ZNF487: variants seen among roughly 807,000 people sequenced by gnomAD.
ZNF487 encodes zinc finger protein 487, also known as KRAB domain only 1.
ZNF487 carries 4 observed loss-of-function variants against 3.0 expected under a neutral mutation model. The observed-to-expected ratio is 1.35, with a 90% CI of 0.66 to 3.08. ZNF487 has a LOEUF of 3.08. Ranked by LOEUF, ZNF487 falls within the 30% of genes most tolerant of loss-of-function variation. ZNF487 has a pLI of 0.01. For missense variants in ZNF487, 146 were observed against 98.7 expected, an observed-to-expected ratio of 1.48 and a Z score of -2.03; for synonymous variants, 55 against 34.6, an observed-to-expected ratio of 1.59 and a Z score of -2.06.
chr10:43,455,559 A>AG (rs1264203223), intron 1 of ZNF487, among the ~76,000 whole-genome samples: 1 of 152,212 alleles, frequency 6.6e-6, no homozygotes, highest in Non-Finnish European at 1.5e-5. Context: ...TGGACGACGC[A>AG]GCTCAGGGCG....
the ZNF487 span, among the ~76,000 whole-genome samples, chr10:43,519,509 C>G: frequency 6.6e-6 from 1 of 151,124 alleles, no homozygotes; most frequent in Non-Finnish European, 1.5e-5. Context: ...GCTCTGTTGC[C>G]CAGGCCAGAT....
the ZNF487 span, among the ~76,000 whole-genome samples, chr10:43,495,467 T>C: frequency 0.033 from 4,995 of 152,142 alleles, 110 homozygotes; most frequent in South Asian, 0.041. Flanking sequence ...TGGTCTTCAG[T>C]TCCTGGCCTC....
At chr10:43,502,118 G>T in the ZNF487 span, among the ~76,000 whole-genome samples, 1 of 152,244 alleles carries the variant, frequency 6.6e-6, no homozygotes, top group East Asian at 1.9e-4. Flanking sequence ...CAATAGCAAA[G>T]ACTTGGAACC....
chr10:43,499,531 C>T, the ZNF487 span, among the ~76,000 whole-genome samples: 2 of 152,064 alleles, frequency 1.3e-5, no homozygotes, highest in Non-Finnish European at 1.5e-5. Context: ...ATCTGCCCAC[C>T]TCAGCCTCCC....
In ZNF487 at chr10:43,482,673, G is replaced by A. The variant is rs763488798; in HGVS notation, c.*751G>A. Reference sequence around the variant, plus strand: ...TGGCGAGAAACCCTATGAGTGTAAGGAATGTGGGAAAACTTTCTCCCAGAA... The same window carrying A: ...TGGCGAGAAACCCTATGAGTGTAAGAAATGTGGGAAAACTTTCTCCCAGAA... On this transcript the variant is annotated 3_prime_UTR_variant, in exon 4 of 4. Coordinates refer to ENST00000437590, the MANE Select transcript of ZNF487 (RefSeq NM_001355444.3). The A allele has an allele frequency of 1.0e-5, 5 of 479,794 alleles. No individual in the cohort carries two copies. Among genetic ancestry groups the A allele is most frequent in the African/African-American group, 8.0e-5 (4 of 50,124 alleles). 29.7% of individuals were successfully genotyped at this position (479,794 alleles called of 1,614,324 possible).
chr10:43,492,853 T>A, the ZNF487 span, among the ~76,000 whole-genome samples: 38 of 152,326 alleles, frequency 2.5e-4, no homozygotes, highest in East Asian at 6.2e-3. Flanking sequence ...GCTTTTGTTG[T>A]GACAAGAGCA....
chr10:43,456,381 T>C (rs1840202809), intron 1 of ZNF487, among the ~76,000 whole-genome samples: 1 of 152,046 alleles, frequency 6.6e-6, no homozygotes, highest in African/African-American at 2.4e-5. Context: ...GCACGGCCCA[T>C]ATTTGCACGG....
intron 1 of ZNF487, among the ~76,000 whole-genome samples, chr10:43,457,632 G>C (rs1380636197): frequency 6.6e-6 from 1 of 151,310 alleles, no homozygotes; most frequent in Non-Finnish European, 1.5e-5. Context: ...GGAGGTTGCA[G>C]TGAGCCGAGA....
At chr10:43,464,348 A>G (rs1361368213) in intron 1 of ZNF487, among the ~76,000 whole-genome samples, 1 of 151,518 alleles carries the variant, frequency 6.6e-6, no homozygotes, top group Admixed American at 6.6e-5. Flanking sequence ...ATGCCCGGCT[A>G]ATTGTTTGTA....
At chr10:43,490,120 C>A in the ZNF487 span, among the ~76,000 whole-genome samples, 1 of 152,126 alleles carries the variant, frequency 6.6e-6, no homozygotes, top group African/African-American at 2.4e-5. Flanking sequence ...AGGCCGAAGG[C>A]GGGTGGATCG....
chr10:43,450,389 G>T (rs1839965317), intron 1 of ZNF487, among the ~76,000 whole-genome samples: 1 of 150,490 alleles, frequency 6.6e-6, no homozygotes, highest in African/African-American at 2.5e-5. Context: ...GTCTCACTCT[G>T]TTGCCCAGGC....
the ZNF487 span, among the ~76,000 whole-genome samples, chr10:43,496,666 T>C: frequency 6.6e-6 from 1 of 152,320 alleles, no homozygotes; most frequent in East Asian, 1.9e-4. Context: ...TACAAACAAC[T>C]GAAATTTATT....
chr10:43,455,533 C>T (rs12359825), intron 1 of ZNF487, among the ~76,000 whole-genome samples: 26,789 of 152,270 alleles, frequency 0.18, 2,561 homozygotes, highest in Non-Finnish European at 0.2. Flanking sequence ...CAACGCCTGA[C>T]GCGCCCCTTC....
At chr10:43,505,320 T>TAAG in the ZNF487 span, among the ~76,000 whole-genome samples, 1 of 152,026 alleles carries the variant, frequency 6.6e-6, no homozygotes, top group Non-Finnish European at 1.5e-5. Flanking sequence ...AGTCTTCCTC[T>TAAG]GTCACCTAGA....
intron 1 of ZNF487, among the ~76,000 whole-genome samples, chr10:43,444,650 A>C (rs1839736443): frequency 6.6e-6 from 1 of 151,728 alleles, no homozygotes; most frequent in African/African-American, 2.4e-5. Flanking sequence ...GCTCACTGCA[A>C]CCTCTGCCTC....
the ZNF487 span, among the ~76,000 whole-genome samples, chr10:43,514,735 G>A: frequency 3.9e-5 from 6 of 152,172 alleles, no homozygotes; most frequent in Non-Finnish European, 8.8e-5. Context: ...GTAGTTGAGT[G>A]TCTGCAGTTC....
chr10:43,522,477 T>G, the ZNF487 span, among the ~76,000 whole-genome samples: 3 of 152,212 alleles, frequency 2.0e-5, no homozygotes, highest in Non-Finnish European at 4.4e-5. Context: ...CTCATGCCTG[T>G]AATCTCTGCA....
At chr10:43,498,452 T>C in the ZNF487 span, among the ~76,000 whole-genome samples, 59 of 150,728 alleles carry the variant, frequency 3.9e-4, no homozygotes, top group Middle Eastern at 3.4e-3. Flanking sequence ...CTAATTTTTG[T>C]ATTTTTAGTA....
At chr10:43,446,383 G>T (rs968470610) in intron 1 of ZNF487, among the ~76,000 whole-genome samples, 1 of 150,908 alleles carries the variant, frequency 6.6e-6, no homozygotes, top group East Asian at 2.0e-4. Context: ...AGGCGGAGAG[G>T]CTCCTCACTT....
Sources: allele counts gnomAD v4.1 joint callset (sites outside exome capture counted in the v4.1 genomes callset), GRCh38; gene constraint gnomAD v4.1.1; transcripts MANE v1.5; gene names NCBI Gene and HGNC (gene_info 2026-07-23, HGNC 2026-07-21).